Variants in DNAH8 observed in about 807,000 individuals in gnomAD.
DNAH8 encodes dynein axonemal heavy chain 8, also known as axonemal beta dynein heavy chain 8.
DNAH8 carries 382 observed loss-of-function variants against 562.1 expected under a neutral mutation model. That is an observed-to-expected ratio of 0.68 (90% CI 0.63 to 0.74). The LOEUF (loss-of-function observed/expected upper bound fraction) is 0.74. DNAH8 is among the 30% of genes least tolerant of loss of function. The pLI, the probability that DNAH8 is intolerant of heterozygous loss-of-function variation, is 0.00. For missense variants in DNAH8, 5,203 were observed against 5,620.4 expected (o/e 0.93, Z 2.37); for synonymous variants, 1,881 against 1,919.4 (o/e 0.98, Z 0.52).
At chr6:38,942,963 G>T (rs1038399657) in intron 79 of DNAH8, among the ~76,000 whole-genome samples, 2 of 152,218 alleles carry the variant, frequency 1.3e-5, no homozygotes, top group Non-Finnish European at 2.9e-5. Context: ...CATCAGGGAG[G>T]ATTAGATTTG....
chr6:38,999,934 A>C (rs62398582), intron 88 of DNAH8, among the ~76,000 whole-genome samples: 73 of 146,746 alleles, frequency 5.0e-4, no homozygotes, highest in Admixed American at 4.1e-4. Flanking sequence ...CACACACACA[A>C]ACACACACAC....
intron 53 of DNAH8, among the ~76,000 whole-genome samples, chr6:38,877,323 C>T (rs1778101354): frequency 1.3e-5 from 2 of 152,176 alleles, no homozygotes; most frequent in Non-Finnish European, 2.9e-5. Context: ...TGCCACATTT[C>T]TTAAAGAGCA....
At chr6:38,727,959 C>A (rs548180179) in intron 3 of DNAH8, among the ~76,000 whole-genome samples, 1 of 152,080 alleles carries the variant, frequency 6.6e-6, no homozygotes, top group Non-Finnish European at 1.5e-5. Context: ...TGTTTTGGGT[C>A]CTTAAGTTAA....
chr6:38,971,806 T>G, intron 83 of DNAH8, 141 bp downstream of exon 83: 1 of 520,094 alleles, frequency 1.9e-6, no homozygotes, highest in South Asian at 5.1e-5. Flanking sequence ...TAAACCTCAG[T>G]CTAGTTTCCT....
chr6:38,756,079 GGTAA>G lies in DNAH8; in HGVS notation c.1515+3_1515+6del. The G allele has an allele frequency of 6.5e-7, 1 of 1,547,272 alleles. No individual in the cohort carries two copies. The highest frequency in any genetic ancestry group is 8.9e-7 in the Non-Finnish European group (1 of 1,120,360). ...AGAGAATGACCTCATTGTTTATCAA[GGTAA>G]GTTTCTGTGGGAGGAAATTACATGT... On this transcript the variant is annotated splice_donor_variant and splice_donor_region_variant and intron_variant, in intron 10 of 92. Transcript: ENST00000327475. LOFTEE classifies it high-confidence loss of function.
chr6:38,862,828 G>C lies in DNAH8; in HGVS notation c.6310+370G>C, dbSNP rs559681901. Reference sequence around the variant, plus strand: ...CATAGCAACACTGGAAAATAAGAAGGGGGTGGCCATCAGCAGATGGAAAAT... The same window carrying C: ...CATAGCAACACTGGAAAATAAGAAGCGGGTGGCCATCAGCAGATGGAAAAT... On this transcript the variant is annotated intron_variant, in intron 44 of 92. Coordinates refer to ENST00000327475, the MANE Select transcript of DNAH8 (RefSeq NM_001206927.2). 1.4e-4 allele frequency among the ~76,000 whole-genome samples: 22 copies of C among 152,282 alleles called. 1 individual carries two copies. The highest frequency in any genetic ancestry group is 1.4e-3 in the Admixed American group (21 of 15,300).
At chr6:38,826,838 T>C (rs1678722) in intron 29 of DNAH8, among the ~76,000 whole-genome samples, 32,103 of 152,158 alleles carry the variant, frequency 0.21, 4,257 homozygotes, top group African/African-American at 0.37. Flanking sequence ...AGTAAACTGT[T>C]GGAACTTACA....
At position 38,883,053 on chromosome 6, in the gene DNAH8, G is replaced by T. The variant is rs1778633111; in HGVS notation, c.8001+1G>T. 2 of 1,586,076 alleles carry T rather than the reference G, an allele frequency of 1.3e-6. No homozygotes were observed. The highest frequency in any genetic ancestry group is 1.7e-6 in the Non-Finnish European group (2 of 1,170,176). The stretch of plus-strand genomic sequence containing the variant: ...AGACACCATTGCAAAACAACATAAA[G>T]TAAGTTTAATAGATAGTTCCTTAAA... On this transcript the variant is annotated splice_donor_variant, in intron 54 of 92. Coordinates refer to ENST00000327475, the MANE Select transcript of DNAH8 (RefSeq NM_001206927.2). LOFTEE classifies it high-confidence loss of function.
At position 38,866,590 on chromosome 6, in the gene DNAH8, GA is replaced by G; in HGVS notation, c.6500del (p.Asn2167ThrfsTer14). 1 of 1,598,052 alleles carries G rather than the reference GA, an allele frequency of 6.3e-7. No individual in the cohort carries two copies. Among genetic ancestry groups the G allele is most frequent in the African/African-American group, 1.3e-5 (1 of 74,086 alleles). On this transcript the variant is annotated frameshift_variant and splice_region_variant, in exon 46 of 93. Transcript: ENST00000327475. LOFTEE classifies it high-confidence loss of function. Reference protein sequence around the residue: ...NPEFGIFLTMNPGYAGRQELP... With the variant: ...NPEFGIFLTMXPGYAGRQELP... Reference sequence around the variant, plus strand: ...AAAATTAAACATATTTTAACTTTTAGAACCCTGGATATGCTGGGCGCCAGGA... The same window carrying G: ...AAAATTAAACATATTTTAACTTTTAGACCCTGGATATGCTGGGCGCCAGGA...
chr6:39,025,961 G>A (rs1052018867), intron 91 of DNAH8, among the ~76,000 whole-genome samples: 4 of 152,190 alleles, frequency 2.6e-5, no homozygotes, highest in African/African-American at 9.7e-5. Flanking sequence ...CACAGTGTAC[G>A]TAACTGCATA....
At position 38,989,997 on chromosome 6, in the gene DNAH8, TTC is replaced by T; in HGVS notation, c.13054-10_13054-9del. 1 of 1,505,030 alleles carries T rather than the reference TTC, an allele frequency of 6.6e-7. No homozygotes were observed. Among genetic ancestry groups the T allele is most frequent in the Non-Finnish European group, 9.0e-7 (1 of 1,107,154 alleles). 93.2% of individuals were successfully genotyped at this position (1,505,030 alleles called of 1,614,324 possible). Reference sequence around the variant, plus strand: ...GCTCATCAATTTTATTTCTTTTGTTTTCTCTCACATACAGGTCTGGTTCAGTG... The same window carrying T: ...GCTCATCAATTTTATTTCTTTTGTTTTCTCACATACAGGTCTGGTTCAGTG... On this transcript the variant is annotated splice_polypyrimidine_tract_variant and intron_variant, in intron 87 of 92. Coordinates refer to ENST00000327475, the MANE Select transcript of DNAH8 (RefSeq NM_001206927.2).
chr6:38,965,776 T>C (rs1170371023), intron 82 of DNAH8, among the ~76,000 whole-genome samples: 1 of 152,352 alleles, frequency 6.6e-6, no homozygotes, highest in East Asian at 1.9e-4. Context: ...ACTCAGCCTA[T>C]GCTGTTTCTT....
intron 7 of DNAH8, among the ~76,000 whole-genome samples, chr6:38,740,766 C>G (rs1764461085): frequency 6.6e-6 from 1 of 152,036 alleles, no homozygotes. Context: ...AGGCATGCAC[C>G]ACCACATCCG....
intron 14 of DNAH8, 116 bp from the exon 15 acceptor site, chr6:38,779,850 C>A (rs1007924743): frequency 2.0e-6 from 2 of 1,012,182 alleles, no homozygotes; most frequent in Admixed American, 2.0e-5. Context: ...CCTAGGACAA[C>A]GAATGAGGGC....
chr6:39,000,941 G>A (rs1048950688), intron 88 of DNAH8, among the ~76,000 whole-genome samples: 1 of 152,136 alleles, frequency 6.6e-6, no homozygotes, highest in Non-Finnish European at 1.5e-5. Flanking sequence ...GTCAAGGACA[G>A]AGTACAAAGA....
At chr6:38,809,461 T>A (rs1480858540) in intron 24 of DNAH8, among the ~76,000 whole-genome samples, 1 of 152,210 alleles carries the variant, frequency 6.6e-6, no homozygotes, top group African/African-American at 2.4e-5. Flanking sequence ...ATATGGTTAA[T>A]TAGTTGACCA....
rs566491203 is a variant in DNAH8, at chr6:38,906,221, T to C, written c.9195-33T>C. On this transcript the variant is annotated intron_variant, in intron 62 of 92. Transcript: ENST00000327475. ...CGCGCCCAGCCGACTATATATTTTT[T>C]AATCTAAAACTTTCTATCATTTTTC... 17 of 1,459,234 alleles carry C rather than the reference T, an allele frequency of 1.2e-5. No individual in the cohort carries two copies. In the East Asian group the frequency reaches 3.9e-4, roughly 34 times the overall value. 90.4% of individuals were successfully genotyped at this position (1,459,234 alleles called of 1,614,324 possible). A position where few individuals can be genotyped will look rare whatever the true frequency, so the allele number is the denominator to read the frequency against.
chr6:38,723,545 A>G (rs1380215494), intron 3 of DNAH8, 74 bp downstream of exon 3: 9 of 1,460,184 alleles, frequency 6.2e-6, no homozygotes, highest in East Asian at 2.5e-5. Context: ...TAGAGTTGTC[A>G]TAAACAGCAA....
intron 32 of DNAH8, among the ~76,000 whole-genome samples, chr6:38,837,611 C>T (rs949185471): frequency 2.0e-5 from 3 of 152,130 alleles, no homozygotes; most frequent in African/African-American, 7.2e-5. Flanking sequence ...GTCTAAATTA[C>T]TGAAAAATCC....
Sources: allele counts gnomAD v4.1 joint callset (sites outside exome capture counted in the v4.1 genomes callset), GRCh38; gene constraint gnomAD v4.1.1; transcripts MANE v1.5; gene names NCBI Gene and HGNC (gene_info 2026-07-23, HGNC 2026-07-21).